The following MAML3 variants were observed in gnomAD, a reference collection of about 807,000 sequenced individuals.
MAML3 encodes the protein mastermind like transcriptional coactivator 3.
Under a neutral mutation model 101.9 loss-of-function variants are expected in MAML3, and 27 were observed. The ratio of observed to expected loss-of-function variants is 0.27; its 90% CI spans 0.20 to 0.37. MAML3 has a LOEUF of 0.37. Ranked by LOEUF, MAML3 falls within the 10% of genes least tolerant of loss-of-function variation. The pLI is 1.00. For synonymous variants in MAML3, 501 were observed against 555.9 expected (o/e 0.90, Z 1.39); for missense variants, 1,316 against 1,444.9 (o/e 0.91, Z 1.45).
chr4:139,992,155 G>A (rs537585494), intron 1 of MAML3, among the ~76,000 whole-genome samples: 1 of 152,256 alleles, frequency 6.6e-6, no homozygotes, highest in African/African-American at 2.4e-5. Flanking sequence ...ATTTTGGGGG[G>A]TATCCATCTT....
At chr4:139,758,741 A>T (rs1020058692) in intron 2 of MAML3, among the ~76,000 whole-genome samples, 10 of 152,218 alleles carry the variant, frequency 6.6e-5, no homozygotes, top group South Asian at 2.1e-4. Context: ...TCATCTGATG[A>T]CTAGCTTGTC....
intron 1 of MAML3, among the ~76,000 whole-genome samples, chr4:140,042,794 T>G (rs1727109682): frequency 1.3e-5 from 2 of 152,130 alleles, no homozygotes; most frequent in Admixed American, 1.3e-4. Context: ...GGGCCCCATG[T>G]TGCTTACTGT....
chr4:139,965,508 C>T (rs1734113097), intron 1 of MAML3, among the ~76,000 whole-genome samples: 1 of 152,112 alleles, frequency 6.6e-6, no homozygotes, highest in African/African-American at 2.4e-5. Flanking sequence ...ATGTCCTCTC[C>T]TATATCTGAA....
At chr4:140,070,060 G>A (rs574207986) in intron 1 of MAML3, among the ~76,000 whole-genome samples, 1 of 152,060 alleles carries the variant, frequency 6.6e-6, no homozygotes, top group Admixed American at 6.5e-5. Context: ...AAGTCGCAGT[G>A]AGCCAAGATC....
intron 2 of MAML3, among the ~76,000 whole-genome samples, chr4:139,736,291 A>C (rs1579376655): frequency 6.6e-6 from 1 of 152,326 alleles, no homozygotes; most frequent in East Asian, 1.9e-4. Flanking sequence ...GATACTATTG[A>C]AAGTTTTATT....
intron 1 of MAML3, among the ~76,000 whole-genome samples, chr4:140,105,555 C>T (rs35779888): frequency 0.035 from 5,386 of 152,298 alleles, 139 homozygotes; most frequent in Middle Eastern, 0.065. Context: ...TCTGACAAAA[C>T]AGGATTATTC....
rs146424096 is a variant in MAML3 at position 140,129,417 on chromosome 4, C to A, written c.468+23443G>T. ...CCAATTCTTATGCATACCTTCTTTGCATGAGACACTTATTTTTGATCAAAT... is the reference window on the plus strand; with the variant it reads ...CCAATTCTTATGCATACCTTCTTTGAATGAGACACTTATTTTTGATCAAAT... On this transcript the variant is annotated intron_variant, in intron 1 of 4. Coordinates refer to ENST00000509479, the MANE Select transcript of MAML3 (RefSeq NM_018717.5). Among the ~76,000 whole-genome samples, 395 of 152,290 alleles carry A rather than the reference C, an allele frequency of 2.6e-3. 3 individuals carry two copies. Among genetic ancestry groups the A allele is most frequent in the African/African-American group, 9.3e-3 (385 of 41,564 alleles).
At chr4:139,929,077 A>T (rs1210942402) in intron 1 of MAML3, among the ~76,000 whole-genome samples, 3 of 152,208 alleles carry the variant, frequency 2.0e-5, no homozygotes, top group Non-Finnish European at 4.4e-5. Flanking sequence ...AACCAAAGCT[A>T]GAAACTAGGA....
At position 139,948,101 on chromosome 4, in the gene MAML3, AAAATAAATAAATAAAT is replaced by A. The variant is rs59043940; in HGVS notation, c.469-57150_469-57135del. Among the ~76,000 whole-genome samples the A allele has an allele frequency of 5.6e-5, 8 of 143,182 alleles. No individual in the cohort carries two copies. In the South Asian group the frequency reaches 1.1e-3, roughly 20 times the overall value. 93.9% of individuals were successfully genotyped at this position (143,182 alleles called of 152,430 possible). A position where few individuals can be genotyped will look rare whatever the true frequency, so the allele number is the denominator to read the frequency against. ...GGCAACAAGAGCGAGACTCCATCTC[AAAATAAATAAATAAAT>A]AAATAAATAAATAAATAAATAATAA... On this transcript the variant is annotated intron_variant, in intron 1 of 4. Transcript: ENST00000509479.
intron 2 of MAML3, among the ~76,000 whole-genome samples, chr4:139,807,602 C>T (rs930245849): frequency 2.0e-5 from 3 of 152,180 alleles, no homozygotes; most frequent in South Asian, 4.1e-4. Context: ...GGAGCATACA[C>T]GTACCCTAAA....
chr4:140,044,130 A>AG (rs1007302656), intron 1 of MAML3, among the ~76,000 whole-genome samples: 1 of 151,918 alleles, frequency 6.6e-6, no homozygotes, highest in East Asian at 1.9e-4. Context: ...AAAGAAAGAA[A>AG]AAAAAAAAGA....
At chr4:139,934,064 T>C (rs1204581109) in intron 1 of MAML3, among the ~76,000 whole-genome samples, 1 of 152,146 alleles carries the variant, frequency 6.6e-6, no homozygotes, top group African/African-American at 2.4e-5. Context: ...TGTGAATTTG[T>C]GTGCCAATGT....
chr4:140,037,927 C>A (rs530476335), intron 1 of MAML3, among the ~76,000 whole-genome samples: 1 of 152,278 alleles, frequency 6.6e-6, no homozygotes, highest in South Asian at 2.1e-4. Flanking sequence ...TCCATTCCAC[C>A]CATCAGGTGA....
At chr4:140,075,236 G>A (rs1437281389) in intron 1 of MAML3, among the ~76,000 whole-genome samples, 4 of 152,194 alleles carry the variant, frequency 2.6e-5, no homozygotes, top group African/African-American at 9.7e-5. Context: ...CTAGCAAGTG[G>A]CAGAGACAGG....
At chr4:140,027,698 C>T (rs754719198) in intron 1 of MAML3, among the ~76,000 whole-genome samples, 26 of 152,150 alleles carry the variant, frequency 1.7e-4, no homozygotes, top group Non-Finnish European at 2.9e-4. Flanking sequence ...CAATACATTG[C>T]CATTTATCAT....
At chr4:140,053,096 A>G (rs1240540072) in intron 1 of MAML3, among the ~76,000 whole-genome samples, 1 of 152,180 alleles carries the variant, frequency 6.6e-6, no homozygotes, top group Non-Finnish European at 1.5e-5. Flanking sequence ...TAAGTCAATC[A>G]TGATAAGAGA....
At chr4:140,121,656 C>A (rs983395560) in intron 1 of MAML3, among the ~76,000 whole-genome samples, 1 of 152,196 alleles carries the variant, frequency 6.6e-6, no homozygotes, top group Non-Finnish European at 1.5e-5. Context: ...ATATCTAAGT[C>A]AAATTTTAAA....
intron 1 of MAML3, among the ~76,000 whole-genome samples, chr4:140,025,275 G>T (rs1726803656): frequency 6.6e-6 from 1 of 152,044 alleles, no homozygotes. Flanking sequence ...ATTTTTCTGA[G>T]AAATAACCTA....
intron 1 of MAML3, among the ~76,000 whole-genome samples, chr4:139,997,274 A>AT (rs1343581843): frequency 1.3e-5 from 2 of 151,186 alleles, no homozygotes; most frequent in Non-Finnish European, 2.9e-5. Flanking sequence ...TTAAATACAT[A>AT]TTTTCTGACT....
Sources: gnomAD v4.1 joint callset for allele counts (sites outside exome capture counted in the v4.1 genomes callset) on GRCh38, gnomAD v4.1.1 for gene constraint, MANE v1.5 for transcripts, NCBI Gene and HGNC (gene_info 2026-07-23, HGNC 2026-07-21) for gene names.